Variants in LDAF1 observed in about 807,000 individuals in gnomAD.
LDAF1 encodes the protein PROMETHIN.
Under a neutral mutation model 13.5 loss-of-function variants are expected in LDAF1, and 7 were observed. That is an observed-to-expected ratio of 0.52 (90% CI 0.29 to 0.97). LDAF1 has a LOEUF of 0.97. Among genes scored for constraint, LDAF1 ranks in the 50% least tolerant of loss-of-function variants. The probability of loss-of-function intolerance (pLI) is 0.07; values close to 1 mark genes in which losing one functional copy is unlikely to be tolerated. For synonymous variants in LDAF1, 69 were observed against 77.1 expected (o/e 0.89, Z 0.55); for missense variants, 148 against 193.2 (o/e 0.77, Z 1.39).
intron 3 of LDAF1, among the ~76,000 whole-genome samples, chr16:21,171,181 C>T (rs1279282293): frequency 6.6e-6 from 1 of 152,190 alleles, no homozygotes; most frequent in African/African-American, 2.4e-5. Flanking sequence ...TTCATCCTTC[C>T]TCCTGAAGTT....
intron 4 of LDAF1, among the ~76,000 whole-genome samples, chr16:21,176,777 G>A (rs536841092): frequency 1.3e-5 from 2 of 152,012 alleles, no homozygotes; most frequent in South Asian, 2.1e-4. Context: ...GTGCATGCTT[G>A]TGGTCCCAGC....
At chr16:21,160,954 T>G in intron 1 of LDAF1, 131 bp from the exon 2 acceptor site, 2 of 1,153,356 alleles carry the variant, frequency 1.7e-6, no homozygotes, top group South Asian at 4.9e-5. Flanking sequence ...GTGTGCAATC[T>G]GAAATTGTTG....
Position 21,179,469 on chromosome 16 carries a change from C to CG in LDAF1, c.405-5dup. Reference sequence around the variant, plus strand: ...GAGCTAACGATCTCTTCTTGTTATCCGACAGGCCACTGACACAGCAAAACA... The same window carrying CG: ...GAGCTAACGATCTCTTCTTGTTATCCGGACAGGCCACTGACACAGCAAAACA... On this transcript the variant is annotated splice_region_variant and splice_polypyrimidine_tract_variant and intron_variant, in intron 4 of 4. Coordinates refer to ENST00000233047, the MANE Select transcript of LDAF1 (RefSeq NM_001301771.2). The CG allele has an allele frequency of 6.2e-7, 1 of 1,614,046 alleles. No individual in the cohort carries two copies. Among genetic ancestry groups the CG allele is most frequent in the Non-Finnish European group, 8.5e-7 (1 of 1,179,984 alleles).
At chr16:21,160,988 G>C (rs554847979) in intron 1 of LDAF1, 97 bp from the exon 2 acceptor site, 1 of 1,344,148 alleles carries the variant, frequency 7.4e-7, no homozygotes, top group Non-Finnish European at 9.5e-7. Context: ...GTTACCCTCC[G>C]TCTGCATGCC....
At chr16:21,170,343 C>G in intron 2 of LDAF1, 94 bp from the exon 3 acceptor site, 1 of 1,575,664 alleles carries the variant, frequency 6.3e-7, no homozygotes, top group Non-Finnish European at 8.6e-7. Flanking sequence ...GGCTTTACGA[C>G]TTCTGCCTTG....
chr16:21,161,785 G>C (rs188182141), intron 2 of LDAF1, among the ~76,000 whole-genome samples: 2 of 152,272 alleles, frequency 1.3e-5, no homozygotes, highest in East Asian at 3.9e-4. Flanking sequence ...ATCCAGGTCC[G>C]ATAGAAATAT....
intron 2 of LDAF1, chr16:21,165,640 C>T (rs1261970476): frequency 1.0e-6 from 1 of 966,512 alleles, no homozygotes; most frequent in Non-Finnish European, 1.2e-6. Flanking sequence ...ATCTTTCTAC[C>T]TGCCTCTTGC....
At chr16:21,178,075 AAAG>A in intron 4 of LDAF1, 1 of 467,362 alleles carries the variant, frequency 2.1e-6, no homozygotes, top group Non-Finnish European at 2.8e-6. Context: ...AATTTTTAAA[AAAG>A]AAAAGAAAAA....
chr16:21,174,491 C>T (rs948762056), intron 4 of LDAF1, among the ~76,000 whole-genome samples: 9 of 152,076 alleles, frequency 5.9e-5, no homozygotes, highest in African/African-American at 2.2e-4. Flanking sequence ...GCCACCACAC[C>T]TTGCTGAGTA....
At chr16:21,170,803 G>A (rs887248180) in intron 3 of LDAF1, among the ~76,000 whole-genome samples, 198 bp downstream of exon 3, 4 of 152,102 alleles carry the variant, frequency 2.6e-5, no homozygotes, top group African/African-American at 7.2e-5. Flanking sequence ...ACCATGCCTG[G>A]TTGTCTGCCA....
At chr16:21,175,535 A>G (rs923086312) in intron 4 of LDAF1, among the ~76,000 whole-genome samples, 2 of 152,220 alleles carry the variant, frequency 1.3e-5, no homozygotes, top group Admixed American at 6.5e-5. Context: ...TATTTAGTAA[A>G]TAATATAGTC....
intron 2 of LDAF1, among the ~76,000 whole-genome samples, chr16:21,167,085 A>G (rs560985532): frequency 6.6e-6 from 1 of 152,318 alleles, no homozygotes; most frequent in Non-Finnish European, 1.5e-5. Flanking sequence ...TTAGGAGACC[A>G]CGCTGAAGCC....
At chr16:21,170,933 T>A (rs973156875) in intron 3 of LDAF1, among the ~76,000 whole-genome samples, 1 of 152,254 alleles carries the variant, frequency 6.6e-6, no homozygotes, top group African/African-American at 2.4e-5. Flanking sequence ...TTTACCTCTC[T>A]GAGCCTTAAA....
At chr16:21,173,968 T>C (rs1286939373) in intron 3 of LDAF1, 42 bp from the exon 4 acceptor site, 1 of 1,585,582 alleles carries the variant, frequency 6.3e-7, no homozygotes, top group East Asian at 2.3e-5. Context: ...GTTTTCAACC[T>C]GTTTGAGATG....
At chr16:21,169,540 C>A (rs2093065350) in intron 2 of LDAF1, among the ~76,000 whole-genome samples, 1 of 152,096 alleles carries the variant, frequency 6.6e-6, no homozygotes, top group Non-Finnish European at 1.5e-5. Flanking sequence ...AACTCCTGGC[C>A]TCAAGCAATC....
Position 21,174,371 on chromosome 16 carries a change from ATTTT to A in LDAF1, c.404+226_404+229del, listed in dbSNP as rs560031537. Reference sequence around the variant, plus strand: ...TGCCCGGCTAATTTTAATATTTTTTATTTTTTGTAGAGACAGGGTCTTGCTATGT... The same window carrying A: ...TGCCCGGCTAATTTTAATATTTTTTATTGTAGAGACAGGGTCTTGCTATGT... On this transcript the variant is annotated intron_variant, in intron 4 of 4. Transcript: ENST00000233047. Among the ~76,000 whole-genome samples the A allele has an allele frequency of 1.5e-3, 225 of 151,824 alleles. 4 individuals are homozygous for A. In the East Asian group the frequency reaches 0.039, roughly 26 times the overall value.
At chr16:21,159,869 A>G (rs1466045282) in intron 1 of LDAF1, 1 of 973,452 alleles carries the variant, frequency 1.0e-6, no homozygotes, top group Non-Finnish European at 1.2e-6. Context: ...TGCTGCAGAG[A>G]TGAGATTATG....
intron 3 of LDAF1, among the ~76,000 whole-genome samples, chr16:21,173,529 C>G (rs575536392): frequency 6.6e-6 from 1 of 152,128 alleles, no homozygotes; most frequent in Non-Finnish European, 1.5e-5. Context: ...GCCTGGCCAA[C>G]ATAGTGAAAC....
At chr16:21,163,560 G>A (rs1342664729) in intron 2 of LDAF1, among the ~76,000 whole-genome samples, 1 of 152,106 alleles carries the variant, frequency 6.6e-6, no homozygotes, top group East Asian at 1.9e-4. Flanking sequence ...CACGAGAATC[G>A]CTTGAACCCA....
Sources: allele counts gnomAD v4.1 joint callset (sites outside exome capture counted in the v4.1 genomes callset), GRCh38; gene constraint gnomAD v4.1.1; transcripts MANE v1.5; gene names NCBI Gene and HGNC (gene_info 2026-07-23, HGNC 2026-07-21).